RPH3A: variants seen among roughly 807,000 people sequenced by gnomAD.
RPH3A encodes the protein rabphilin 3A, also known as rabphilin-3A.
In RPH3A, 48 loss-of-function variants were observed where a neutral mutation model predicts 102.2. That is an observed-to-expected ratio of 0.47 (90% CI 0.37 to 0.60). The LOEUF (loss-of-function observed/expected upper bound fraction) is 0.60. Ranked by LOEUF, RPH3A falls within the 20% of genes least tolerant of loss-of-function variation. The pLI is 0.00. For missense variants in RPH3A, 781 were observed against 910.1 expected (o/e 0.86, Z 1.83); for synonymous variants, 310 against 324.3 (o/e 0.96, Z 0.47).
At chr12:112,876,356 C>T (rs892674528) in intron 12 of RPH3A, among the ~76,000 whole-genome samples, 1 of 152,170 alleles carries the variant, frequency 6.6e-6, no homozygotes, top group Non-Finnish European at 1.5e-5. Flanking sequence ...GAAACTGAGG[C>T]TCAGAGACAT....
At chr12:112,706,931 G>A (rs922499684) in intron 1 of RPH3A, among the ~76,000 whole-genome samples, 2 of 152,102 alleles carry the variant, frequency 1.3e-5, no homozygotes, top group Admixed American at 1.3e-4. Flanking sequence ...CCTTGATTTG[G>A]GGAAGCTGCA....
chr12:112,887,848 G>T lies in RPH3A; in HGVS notation c.1488G>T (p.Glu496Asp). 1 of 1,613,932 alleles carries T rather than the reference G, an allele frequency of 6.2e-7. No individual in the cohort carries two copies. Among genetic ancestry groups the T allele is most frequent in the South Asian group, 1.1e-5 (1 of 91,054 alleles). The change falls in exon 17 of 22, where the codon GAG (glutamate) becomes GAT (aspartate). Residue 496 changes from glutamate (E) to aspartate (D), a missense_variant. By Grantham distance (45) the Glu-to-Asp change is conservative. Transcript: ENST00000389385. ...DKFGHNEFIG[E>D]TRFSLKKLKP... The stretch of plus-strand genomic sequence containing the variant: ...TTGGCCACAATGAATTTATTGGTGA[G>T]ACCAGATTCTCCCTCAAGAAACTGA...
chr12:112,782,420 T>A (rs996473875), intron 1 of RPH3A, among the ~76,000 whole-genome samples: 1 of 152,236 alleles, frequency 6.6e-6, no homozygotes, highest in African/African-American at 2.4e-5. Flanking sequence ...GGAGCTTCAA[T>A]CTGGACTGGT....
At chr12:112,647,597 G>A (rs1430501064) in intron 1 of RPH3A, among the ~76,000 whole-genome samples, 1 of 134,734 alleles carries the variant, frequency 7.4e-6, no homozygotes, top group African/African-American at 2.7e-5. Context: ...GAGGGTGTGT[G>A]TGTGTGTATG....
At chr12:112,588,352 C>T (rs11610244) in intron 1 of RPH3A, among the ~76,000 whole-genome samples, 1 of 151,856 alleles carries the variant, frequency 6.6e-6, no homozygotes, top group East Asian at 1.9e-4. Flanking sequence ...ACAATCATGG[C>T]GGAAGGTGAA....
intron 4 of RPH3A, among the ~76,000 whole-genome samples, chr12:112,841,520 C>T (rs1161572928): frequency 6.6e-6 from 1 of 152,106 alleles, no homozygotes; most frequent in Non-Finnish European, 1.5e-5. Context: ...ATGTTTACAT[C>T]ATAAGATATT....
intron 1 of RPH3A, among the ~76,000 whole-genome samples, chr12:112,705,627 A>C (rs1376235374): frequency 6.6e-6 from 1 of 152,210 alleles, no homozygotes; most frequent in Non-Finnish European, 1.5e-5. Flanking sequence ...AGATCCTTTA[A>C]AAATTAATTT....
intron 2 of RPH3A, among the ~76,000 whole-genome samples, chr12:112,824,077 T>C (rs773501852): frequency 4.1e-4 from 62 of 152,138 alleles, no homozygotes; most frequent in Non-Finnish European, 6.9e-4. Context: ...GTACTAGTGA[T>C]GGACTCAGGG....
chr12:112,810,449 C>T (rs754568560), intron 2 of RPH3A, among the ~76,000 whole-genome samples: 3 of 152,216 alleles, frequency 2.0e-5, no homozygotes, highest in Non-Finnish European at 1.5e-5. Context: ...GGCCCTGGTT[C>T]GTTATCTGAT....
intron 1 of RPH3A, among the ~76,000 whole-genome samples, chr12:112,706,509 C>A (rs1388705638): frequency 6.6e-6 from 1 of 152,180 alleles, no homozygotes; most frequent in Non-Finnish European, 1.5e-5. Context: ...ACTTACATTT[C>A]ATTCTCCTGC....
intron 5 of RPH3A, 79 bp from the exon 6 acceptor site, chr12:112,865,335 A>G: frequency 6.6e-7 from 1 of 1,519,878 alleles, no homozygotes; most frequent in Admixed American, 1.9e-5. Flanking sequence ...GAAGGTGAAG[A>G]CTATCAACCT....
chr12:112,594,891 GCAT>G (rs1314838187), intron 1 of RPH3A, among the ~76,000 whole-genome samples: 1 of 152,216 alleles, frequency 6.6e-6, no homozygotes, highest in Non-Finnish European at 1.5e-5. Context: ...TGTGTTCGAT[GCAT>G]GCAAGTCCCA....
chr12:112,675,665 C>A (rs2136012352), intron 1 of RPH3A, among the ~76,000 whole-genome samples: 1 of 152,246 alleles, frequency 6.6e-6, no homozygotes, highest in East Asian at 1.9e-4. Context: ...TTGAGGGATC[C>A]TTGACCCCTG....
rs527654779 is a variant in RPH3A, at chr12:112,689,117, A to G, written c.-139-103026A>G. 2.2e-4 allele frequency among the ~76,000 whole-genome samples: 33 copies of G among 152,368 alleles called. No homozygotes were observed. The South Asian group carries it at 2.3e-3, about 11-fold the overall frequency. On this transcript the variant is annotated intron_variant, in intron 1 of 21. Transcript: ENST00000543106. ...TCTGAATTTGCTTTATTTGACTCAGATGAGAAGTTGCAAACTCAGATGTCT... is the reference window on the plus strand; with the variant it reads ...TCTGAATTTGCTTTATTTGACTCAGGTGAGAAGTTGCAAACTCAGATGTCT...
At chr12:112,616,358 G>A (rs1308158143) in intron 1 of RPH3A, among the ~76,000 whole-genome samples, 1 of 152,110 alleles carries the variant, frequency 6.6e-6, no homozygotes, top group African/African-American at 2.4e-5. Context: ...TGTTGGCCAG[G>A]CTGGTCTCGA....
intron 1 of RPH3A, among the ~76,000 whole-genome samples, chr12:112,771,783 A>G (rs770796356): frequency 2.6e-4 from 39 of 152,218 alleles, no homozygotes; most frequent in African/African-American, 8.7e-4. Flanking sequence ...CTAAATAGAC[A>G]TGAAATCTAT....
intron 5 of RPH3A, among the ~76,000 whole-genome samples, chr12:112,862,289 C>T (rs1361036313): frequency 2.0e-5 from 3 of 152,144 alleles, no homozygotes; most frequent in Non-Finnish European, 4.4e-5. Flanking sequence ...CCTGTAGTCC[C>T]AGCTACTTGG....
intron 5 of RPH3A, among the ~76,000 whole-genome samples, chr12:112,858,141 C>T (rs1343992635): frequency 6.6e-6 from 1 of 151,472 alleles, no homozygotes; most frequent in Non-Finnish European, 1.5e-5. Flanking sequence ...GTGGCACGCA[C>T]CTGGAGTCAC....
chr12:112,785,718 A>G (rs1473368108), intron 1 of RPH3A, among the ~76,000 whole-genome samples: 18 of 152,184 alleles, frequency 1.2e-4, no homozygotes, highest in Admixed American at 1.2e-3. Context: ...AGGGAGGTTT[A>G]GTAACTTCCT....
Sources: allele counts gnomAD v4.1 joint callset (sites outside exome capture counted in the v4.1 genomes callset), GRCh38; gene constraint gnomAD v4.1.1; transcripts MANE v1.5; gene names NCBI Gene and HGNC (gene_info 2026-07-23, HGNC 2026-07-21).